CALN1: variants seen among roughly 807,000 people sequenced by gnomAD.
CALN1 encodes the protein calcium-binding protein 8.
In CALN1, 17 loss-of-function variants were observed where a neutral mutation model predicts 30.6. That is an observed-to-expected ratio of 0.56 (90% CI 0.38 to 0.83). The LOEUF (loss-of-function observed/expected upper bound fraction) is 0.83, where lower values mean the gene tolerates loss of function less well. Ranked by LOEUF, CALN1 falls within the 40% of genes least tolerant of loss-of-function variation. The pLI is 0.00. For missense variants in CALN1, 291 were observed against 354.9 expected, an observed-to-expected ratio of 0.82 and a Z score of 1.45; for synonymous variants, 156 against 131.4, an observed-to-expected ratio of 1.19 and a Z score of -1.28.
chr7:72,096,092 A>ATAG, intron 4 of CALN1, among the ~76,000 whole-genome samples: 1 of 121,780 alleles, frequency 8.2e-6, no homozygotes, highest in East Asian at 2.6e-4. Flanking sequence ...TAGATAGATA[A>ATAG]AGATAGATAG....
chr7:72,180,219 A>AT (rs908804454), intron 3 of CALN1, among the ~76,000 whole-genome samples: 1 of 152,296 alleles, frequency 6.6e-6, no homozygotes, highest in Non-Finnish European at 1.5e-5. Flanking sequence ...CTTTGAATAG[A>AT]TTCATATTCA....
At chr7:72,196,585 A>G (rs893583848) in intron 3 of CALN1, among the ~76,000 whole-genome samples, 4 of 152,252 alleles carry the variant, frequency 2.6e-5, no homozygotes, top group Non-Finnish European at 2.9e-5. Context: ...AAAAGATGTC[A>G]TATGTAGATT....
chr7:72,484,222 T>A, the CALN1 span, among the ~76,000 whole-genome samples: 1 of 152,162 alleles, frequency 6.6e-6, no homozygotes, highest in Non-Finnish European at 1.5e-5. Flanking sequence ...ATTGTGAATT[T>A]TACCTTGTTG....
chr7:72,461,402 A>G, the CALN1 span, among the ~76,000 whole-genome samples: 1 of 152,200 alleles, frequency 6.6e-6, no homozygotes, highest in Non-Finnish European at 1.5e-5. Flanking sequence ...CATGGAATCA[A>G]CCCAGTTGCC....
chr7:71,963,590 C>A (rs1192747097), intron 5 of CALN1, among the ~76,000 whole-genome samples: 1 of 152,204 alleles, frequency 6.6e-6, no homozygotes, highest in African/African-American at 2.4e-5. Flanking sequence ...CAGGTATGAG[C>A]CACCGTGCCC....
chr7:72,023,682 T>C lies in CALN1; in HGVS notation c.476A>G (p.Asn159Ser). 1 of 1,614,046 alleles carries C rather than the reference T, an allele frequency of 6.2e-7. No individual in the cohort carries two copies. Among genetic ancestry groups the C allele is most frequent in the Non-Finnish European group, 8.5e-7 (1 of 1,179,960 alleles). ...CTGCCAGAATATGCTGTCTATCGTG[T>C]TCCCAAGAAAACCATCGCGACCTTC... ...SSEGRDGFLG[N>S]TIDSIFWQFD... is the part of the protein sequence containing the mutation. The change falls in exon 5 of 7, where the codon AAC becomes AGC. Residue 159 changes from asparagine (N) to serine (S), a missense_variant. By Grantham distance (46) the Asn-to-Ser change is conservative. Around this residue, in one of 2 missense-constraint regions of CALN1, gnomAD observed 169 missense variants for 251.7 expected, o/e 0.67. Transcript: ENST00000395275.
intron 4 of CALN1, among the ~76,000 whole-genome samples, chr7:72,105,666 G>T (rs1299731613): frequency 6.6e-6 from 1 of 150,858 alleles, no homozygotes; most frequent in Non-Finnish European, 1.5e-5. Flanking sequence ...ACTGAATTGT[G>T]CACTTTAAAT....
intron 4 of CALN1, among the ~76,000 whole-genome samples, chr7:72,065,604 T>G (rs2129537389): frequency 6.6e-6 from 1 of 152,294 alleles, no homozygotes; most frequent in Middle Eastern, 3.4e-3. Context: ...ATCCCGGTTC[T>G]TGCCTCCAAA....
intron 3 of CALN1, among the ~76,000 whole-genome samples, chr7:72,223,539 A>G (rs1179368794): frequency 6.6e-6 from 1 of 152,170 alleles, no homozygotes; most frequent in African/African-American, 2.4e-5. Context: ...AGAGCAGGAC[A>G]TTCCCTGCAC....
At chr7:72,395,556 T>A (rs1805876041) in intron 2 of CALN1, among the ~76,000 whole-genome samples, 1 of 152,152 alleles carries the variant, frequency 6.6e-6, no homozygotes, top group Non-Finnish European at 1.5e-5. Context: ...TAGAGGAACA[T>A]TTATTTATAT....
In CALN1 at chr7:72,124,183, T is replaced by A. The variant is rs147127113; in HGVS notation, c.245-17889A>T. On this transcript the variant is annotated intron_variant, in intron 3 of 6. Coordinates refer to ENST00000395275, the MANE Select transcript of CALN1 (RefSeq NM_031468.4). ...GGAAGCTGAGCGGCTCATGTCCGTG[T>A]GGATTTGGGGATTCTGAAGGTAAAT... 2.0e-5 allele frequency among the ~76,000 whole-genome samples: 3 copies of A among 152,274 alleles called. No homozygotes were observed. In the East Asian group the frequency reaches 5.8e-4, roughly 29 times the overall value.
At chr7:72,299,604 G>A (rs1160681389) in intron 2 of CALN1, among the ~76,000 whole-genome samples, 1 of 148,542 alleles carries the variant, frequency 6.7e-6, no homozygotes, top group Non-Finnish European at 1.5e-5. Context: ...AAACTGGAAA[G>A]ACAAAGAATT....
intron 3 of CALN1, among the ~76,000 whole-genome samples, chr7:72,254,631 TTTTTTA>T (rs1456124699): frequency 6.6e-6 from 1 of 152,180 alleles, no homozygotes; most frequent in Non-Finnish European, 1.5e-5. Context: ...ACTCCGTTGT[TTTTTTA>T]TTTTTATTTT....
chr7:72,135,836 T>C (rs562577231), intron 3 of CALN1, among the ~76,000 whole-genome samples: 2 of 152,102 alleles, frequency 1.3e-5, no homozygotes, highest in South Asian at 2.1e-4. Context: ...CTTATTCCAA[T>C]AGAAGGTTGT....
At chr7:72,142,114 AGACAGTGGGTGCAG>A (rs982644994) in intron 3 of CALN1, among the ~76,000 whole-genome samples, 15 of 152,176 alleles carry the variant, frequency 9.9e-5, no homozygotes, top group African/African-American at 3.6e-4. Flanking sequence ...GGGGATTGTC[AGACAGTGGGTGCAG>A]GACAGTGGGT....
intron 5 of CALN1, among the ~76,000 whole-genome samples, chr7:72,009,793 A>G (rs866438700): frequency 4.6e-5 from 7 of 152,162 alleles, no homozygotes; most frequent in Admixed American, 6.5e-5. Flanking sequence ...GCCACCATGT[A>G]AGACATGCCT....
chr7:71,923,715 T>C (rs558108415), intron 5 of CALN1, among the ~76,000 whole-genome samples: 130 of 152,310 alleles, frequency 8.5e-4, no homozygotes, highest in Non-Finnish European at 1.7e-3. Context: ...AGTCAGAAAG[T>C]GCCCTCCTAA....
At chr7:72,166,635 C>T (rs1185523376) in intron 3 of CALN1, among the ~76,000 whole-genome samples, 4 of 152,148 alleles carry the variant, frequency 2.6e-5, no homozygotes, top group Non-Finnish European at 5.9e-5. Flanking sequence ...CAAACAAGAG[C>T]AAAATATGGG....
At chr7:71,822,344 G>A (rs575421986) in intron 5 of CALN1, among the ~76,000 whole-genome samples, 1 of 152,252 alleles carries the variant, frequency 6.6e-6, no homozygotes, top group South Asian at 2.1e-4. Flanking sequence ...CGCCTCCCGG[G>A]TTCAAGTGAT....
Sources: gnomAD v4.1 joint callset for allele counts (sites outside exome capture counted in the v4.1 genomes callset) on GRCh38, gnomAD v4.1.1 for gene constraint, gnomAD v4.1.1 regional missense constraint, MANE v1.5 for transcripts, NCBI Gene and HGNC (gene_info 2026-07-23, HGNC 2026-07-21) for gene names.